Variants in EPHB1 observed in about 807,000 individuals in gnomAD.
The protein encoded by EPHB1 is EPH receptor B1.
A neutral mutation model predicts 94.4 loss-of-function variants in EPHB1; 30 were observed. The ratio of observed to expected loss-of-function variants is 0.32; its 90% CI spans 0.24 to 0.43. The LOEUF (loss-of-function observed/expected upper bound fraction) is 0.43. EPHB1 is among the 20% of genes least tolerant of loss of function. The pLI is 1.00. For synonymous variants in EPHB1, 522 were observed against 489.1 expected (o/e 1.07, Z -0.89); for missense variants, 1,055 against 1,308.3 (o/e 0.81, Z 2.99).
intron 3 of EPHB1, among the ~76,000 whole-genome samples, chr3:135,023,082 T>C (rs1008231671): frequency 1.3e-5 from 2 of 152,228 alleles, no homozygotes; most frequent in African/African-American, 2.4e-5. Context: ...TCATTGGTTA[T>C]CTGGTTTCTT....
chr3:134,797,466 G>T (rs1330026021), intron 1 of EPHB1, among the ~76,000 whole-genome samples: 2 of 152,232 alleles, frequency 1.3e-5, no homozygotes, highest in East Asian at 1.9e-4. Flanking sequence ...GGTCCGGCCC[G>T]CGGCTCTTTG....
intron 1 of EPHB1, among the ~76,000 whole-genome samples, chr3:134,802,211 C>T (rs187001485): frequency 3.3e-4 from 50 of 151,504 alleles, no homozygotes; most frequent in Non-Finnish European, 6.5e-4. Context: ...CTGAGGCGGG[C>T]GGATCACGAG....
Position 135,052,909 on chromosome 3 carries a change from ATGTG to A in EPHB1, c.806-53519_806-53516del, listed in dbSNP as rs745760849. 4.0e-3 allele frequency among the ~76,000 whole-genome samples: 276 copies of A among 68,570 alleles called. 10 individuals carry two copies. Among genetic ancestry groups the A allele is most frequent in the Middle Eastern group, 0.016 (2 of 126 alleles). 45.0% of individuals were successfully genotyped at this position (68,570 alleles called of 152,430 possible). A position where few individuals can be genotyped will look rare whatever the true frequency, so the allele number is the denominator to read the frequency against. ...AAAAAAAATATATATATATATATATATGTGTGTGTGTGTGTGTGTGTGTATATAT... is the reference window on the plus strand; with the variant it reads ...AAAAAAAATATATATATATATATATATGTGTGTGTGTGTGTGTGTATATAT... On this transcript the variant is annotated intron_variant, in intron 3 of 15. Transcript: ENST00000398015.
At chr3:134,854,076 T>C (rs1470035115) in intron 1 of EPHB1, among the ~76,000 whole-genome samples, 1 of 152,212 alleles carries the variant, frequency 6.6e-6, no homozygotes, top group African/African-American at 2.4e-5. Context: ...TATGGTGTTG[T>C]CCTTGCTGCA....
At chr3:135,144,515 G>A (rs72979518) in intron 5 of EPHB1, among the ~76,000 whole-genome samples, 1,716 of 152,236 alleles carry the variant, frequency 0.011, 36 homozygotes, top group South Asian at 0.037. Flanking sequence ...AGAACTTACA[G>A]GGTCAGATAT....
At chr3:135,132,236 A>G (rs887086312) in intron 4 of EPHB1, among the ~76,000 whole-genome samples, 1 of 152,200 alleles carries the variant, frequency 6.6e-6, no homozygotes, top group Non-Finnish European at 1.5e-5. Context: ...CACACACCAG[A>G]TAGATCCCAA....
chr3:134,969,133 AG>A (rs1559776430), intron 3 of EPHB1, among the ~76,000 whole-genome samples: 1 of 152,206 alleles, frequency 6.6e-6, no homozygotes, highest in African/African-American at 2.4e-5. Flanking sequence ...CATCAGCATC[AG>A]TGTGAGTTTC....
chr3:135,252,121 C>T (rs1165020417), intron 15 of EPHB1, among the ~76,000 whole-genome samples: 1 of 151,800 alleles, frequency 6.6e-6, no homozygotes, highest in Non-Finnish European at 1.5e-5. Context: ...CCATTATCTA[C>T]CCATAGCATG....
chr3:134,952,941 G>A (rs1933092788), intron 3 of EPHB1, among the ~76,000 whole-genome samples: 1 of 152,188 alleles, frequency 6.6e-6, no homozygotes, highest in South Asian at 2.1e-4. Context: ...GGTTGGGGAA[G>A]AGAAGACTGC....
chr3:134,836,739 A>G (rs572300179), intron 1 of EPHB1, among the ~76,000 whole-genome samples: 13 of 152,360 alleles, frequency 8.5e-5, no homozygotes, highest in African/African-American at 2.9e-4. Flanking sequence ...ATCAGCTTAA[A>G]TGTAATCAAG....
At chr3:134,834,877 G>A (rs527378350) in intron 1 of EPHB1, among the ~76,000 whole-genome samples, 1 of 152,336 alleles carries the variant, frequency 6.6e-6, no homozygotes, top group South Asian at 2.1e-4. Context: ...CCTTGACAGA[G>A]AAGTCAGCCT....
At chr3:135,111,012 A>G (rs1346432354) in intron 4 of EPHB1, among the ~76,000 whole-genome samples, 1 of 152,160 alleles carries the variant, frequency 6.6e-6, no homozygotes, top group African/African-American at 2.4e-5. Flanking sequence ...TTTAGAGGGT[A>G]GAAATGGCTT....
chr3:135,165,722 T>C (rs947104572), intron 7 of EPHB1, among the ~76,000 whole-genome samples: 2 of 152,244 alleles, frequency 1.3e-5, no homozygotes, highest in Non-Finnish European at 2.9e-5. Flanking sequence ...TCCAGGAATG[T>C]CATCAGCTAT....
chr3:134,834,002 C>T (rs914863016), intron 1 of EPHB1, among the ~76,000 whole-genome samples: 3 of 152,050 alleles, frequency 2.0e-5, no homozygotes, highest in African/African-American at 7.2e-5. Context: ...GGCAAATTTA[C>T]CTGTAAGAAA....
At chr3:135,252,242 T>G (rs1268310092) in intron 15 of EPHB1, among the ~76,000 whole-genome samples, 1 of 151,846 alleles carries the variant, frequency 6.6e-6, no homozygotes, top group African/African-American at 2.4e-5. Context: ...TACTTTAAGT[T>G]TTACGGTACA....
intron 3 of EPHB1, among the ~76,000 whole-genome samples, chr3:134,961,532 G>T (rs1017312388): frequency 6.6e-6 from 1 of 152,136 alleles, no homozygotes; most frequent in African/African-American, 2.4e-5. Context: ...TATGTGAAAG[G>T]TCAGTTTCCC....
intron 5 of EPHB1, among the ~76,000 whole-genome samples, chr3:135,138,541 C>G (rs1940704087): frequency 6.6e-6 from 1 of 152,118 alleles, no homozygotes; most frequent in African/African-American, 2.4e-5. Context: ...AACAATATTA[C>G]ACTGCTGCCT....
chr3:134,993,051 C>T (rs919013634), intron 3 of EPHB1, among the ~76,000 whole-genome samples: 5 of 152,206 alleles, frequency 3.3e-5, no homozygotes, highest in Admixed American at 2.6e-4. Flanking sequence ...CCTGAGAGTG[C>T]ACTTGTTCCC....
intron 4 of EPHB1, among the ~76,000 whole-genome samples, chr3:135,124,263 G>T (rs1940103344): frequency 6.6e-6 from 1 of 151,620 alleles, no homozygotes; most frequent in South Asian, 2.1e-4. Context: ...TGTCCAGATG[G>T]CCTCTGCTCT....
Sources: allele counts gnomAD v4.1 joint callset (sites outside exome capture counted in the v4.1 genomes callset), GRCh38; gene constraint gnomAD v4.1.1; transcripts MANE v1.5; gene names NCBI Gene and HGNC (gene_info 2026-07-23, HGNC 2026-07-21).